SLC46A2: variants seen among roughly 807,000 people sequenced by gnomAD.
SLC46A2 encodes the protein solute carrier family 46 member 2.
A neutral mutation model predicts 33.1 loss-of-function variants in SLC46A2; 25 were observed. That is an observed-to-expected ratio of 0.76 (90% CI 0.55 to 1.06). The LOEUF (loss-of-function observed/expected upper bound fraction) is 1.06. Among genes scored for constraint, SLC46A2 ranks in the 50% least tolerant of loss-of-function variants. The probability of loss-of-function intolerance (pLI) is 0.00; values close to 1 mark genes in which losing one functional copy is unlikely to be tolerated. For synonymous variants in SLC46A2, 254 were observed against 275.9 expected (o/e 0.92, Z 0.79); for missense variants, 622 against 621.7 (o/e 1.00, Z 0.00).
intron 3 of SLC46A2, 70 bp downstream of exon 3, chr9:112,886,390 G>T: frequency 6.6e-7 from 1 of 1,517,844 alleles, no homozygotes; most frequent in Non-Finnish European, 9.1e-7. Context: ...GTGGGCTGGA[G>T]AAGGTCCAAC....
intron 3 of SLC46A2, chr9:112,881,357 C>T (rs1841575161): frequency 6.6e-6 from 1 of 152,240 alleles, no homozygotes; most frequent in Non-Finnish European, 1.5e-5. Flanking sequence ...GCTTAGATTT[C>T]CCGCCTTCTA....
At chr9:112,881,970 G>A (rs1841582801) in intron 3 of SLC46A2, among the ~76,000 whole-genome samples, 1 of 152,202 alleles carries the variant, frequency 6.6e-6, no homozygotes, top group African/African-American at 2.4e-5. Context: ...GAAGGGAGAA[G>A]AGTGGGAGGG....
chr9:112,884,922 A>T (rs1207452156), intron 3 of SLC46A2, among the ~76,000 whole-genome samples: 1 of 152,124 alleles, frequency 6.6e-6, no homozygotes, highest in African/African-American at 2.4e-5. Flanking sequence ...TCCTTTACTC[A>T]TTTGGCCAGA....
At position 112,890,473 on chromosome 9, in the gene SLC46A2, T is replaced by A. The variant is rs139723821; in HGVS notation, c.209A>T (p.Gln70Leu). The A allele has an allele frequency of 2.5e-6, 4 of 1,614,224 alleles. No individual in the cohort carries two copies. The highest frequency in any genetic ancestry group is 1.7e-5 in the Admixed American group (1 of 60,032). Residue 70 changes from glutamine (Q) to leucine (L), a missense_variant, in exon 1 of 4, where the codon CAG (glutamine) becomes CTG (leucine). Transcript: ENST00000374228. The surrounding 1 kb of genome is among the most constrained non-coding windows in gnomAD (Gnocchi z 6.0). ...PSPRGALEDQQQRAISNFYII... is the reference protein window; with the variant it reads ...PSPRGALEDQLQRAISNFYII... ...GTAGAAATTGGAGATGGCTCTCTGC[T>A]GTTGGTCCTCTAGAGCCCCCCGGGG...
chr9:112,890,251 C>G lies in SLC46A2; in HGVS notation c.431G>C (p.Gly144Ala). The G allele has an allele frequency of 6.2e-7, 1 of 1,613,270 alleles. No homozygotes were observed. Among genetic ancestry groups the G allele is most frequent in the Non-Finnish European group, 8.5e-7 (1 of 1,179,880 alleles). ...EVLYGAAALN[G>A]LFGGFSAFWS... The stretch of plus-strand genomic sequence containing the variant: ...GAAGGCGGAGAAGCCGCCGAATAGC[C>G]CGTTCAGCGCCGCCGCCCCGTACAG... Residue 144 changes from glycine (G) to alanine (A), a missense_variant, in exon 1 of 4, where the codon GGG becomes GCG. By Grantham distance (60) the Gly-to-Ala change is moderately conservative. Coordinates refer to ENST00000374228, the MANE Select transcript of SLC46A2 (RefSeq NM_033051.4). The surrounding 1 kb of genome is among the most constrained non-coding windows in gnomAD (Gnocchi z 6.0).
chr9:112,881,168 A>C lies in SLC46A2; in HGVS notation c.1371-1349T>G, dbSNP rs145066364. On this transcript the variant is annotated intron_variant, in intron 3 of 3. Transcript: ENST00000374228. ...CTGAAGTCCTGGATCAGTGTGACTT[A>C]GGCATGTCCTTCAACCTCTGGCACC... Among the ~76,000 whole-genome samples, 7 of 152,318 alleles carry C rather than the reference A, an allele frequency of 4.6e-5. No homozygotes were observed. The East Asian group carries it at 1.4e-3, about 29-fold the overall frequency.
At chr9:112,886,803 C>A (rs1162573865) in intron 2 of SLC46A2, among the ~76,000 whole-genome samples, 187 bp from the exon 3 acceptor site, 1 of 152,172 alleles carries the variant, frequency 6.6e-6, no homozygotes, top group African/African-American at 2.4e-5. Context: ...TGGCTCACTG[C>A]AGCCTTAAAC....
At chr9:112,887,249 T>C (rs2131546236) in intron 2 of SLC46A2, 81 bp downstream of exon 2, 1 of 1,302,564 alleles carries the variant, frequency 7.7e-7, no homozygotes, top group East Asian at 2.3e-5. Context: ...TCAAGTGCCT[T>C]CTGCAGGTCT....
At position 112,887,338 on chromosome 9, in the gene SLC46A2, G is replaced by C. The variant is rs749047937; in HGVS notation, c.1205C>G (p.Ser402Cys). 5.6e-6 allele frequency: 9 copies of C among 1,611,808 alleles called. No individual in the cohort carries two copies. The highest frequency in any genetic ancestry group is 7.6e-6 in the Non-Finnish European group (9 of 1,179,166). Reference protein sequence around the residue: ...RSAMSKLIKGSSYGKVFVILQ... With the variant: ...RSAMSKLIKGCSYGKVFVILQ... Reference sequence around the variant, plus strand: ...TTCTGTTCACTACTCACCATAAGAGGAGCCCTTTATGAGTTTGGACATAGC... The same window carrying C: ...TTCTGTTCACTACTCACCATAAGAGCAGCCCTTTATGAGTTTGGACATAGC... The change falls in exon 2 of 4, where the codon TCC becomes TGC. Residue 402 changes from serine (S) to cysteine (C), a missense_variant. By Grantham distance (112) the Ser-to-Cys change is moderately radical. Coordinates refer to ENST00000374228, the MANE Select transcript of SLC46A2 (RefSeq NM_033051.4).
chr9:112,881,192 C>A (rs1465194994), intron 3 of SLC46A2, among the ~76,000 whole-genome samples: 2 of 152,198 alleles, frequency 1.3e-5, no homozygotes, highest in African/African-American at 4.8e-5. Context: ...ACCTCTGGCA[C>A]CCTGGGCTTT....
At position 112,879,797 on chromosome 9, in the gene SLC46A2, G is replaced by C; in HGVS notation, c.1393C>G (p.Pro465Ala). Residue 465 changes from proline to alanine, a missense_variant, in exon 4 of 4, where the codon CCA becomes GCA. By Grantham distance (27) the Pro-to-Ala change is conservative (BLOSUM62 -1). Coordinates refer to ENST00000374228, the MANE Select transcript of SLC46A2 (RefSeq NM_033051.4). ...ATGATGTCTCCATATGGTGACAATGGGACTTGTTTATAGGCCACGATGCTG... is the reference window on the plus strand; with the variant it reads ...ATGATGTCTCCATATGGTGACAATGCGACTTGTTTATAGGCCACGATGCTG... Reference protein sequence around the residue: ...PISIVAYKQVPLSPYGDIIEK With the variant: ...PISIVAYKQVALSPYGDIIEK The C allele has an allele frequency of 6.2e-7, 1 of 1,613,076 alleles. No homozygotes were observed. Among genetic ancestry groups the C allele is most frequent in the African/African-American group, 1.3e-5 (1 of 74,992 alleles).
chr9:112,888,968 A>G (rs1397422528), intron 1 of SLC46A2, among the ~76,000 whole-genome samples: 1 of 150,704 alleles, frequency 6.6e-6, no homozygotes, highest in Non-Finnish European at 1.5e-5. Context: ...TCGGCTCACT[A>G]CAACCGCTGC....
chr9:112,879,616 G>T lies in SLC46A2; in HGVS notation c.*146C>A. On this transcript the variant is annotated 3_prime_UTR_variant, in exon 4 of 4. Transcript: ENST00000374228. ...CCATCCACCAGGGATCCCTGAGCCA[G>T]AGCAGGTCATTCTGAGGCCAACTCT... 1.5e-6 allele frequency: 1 copy of T among 674,298 alleles called. No homozygotes were observed. Among genetic ancestry groups the T allele is most frequent in the Non-Finnish European group, 2.6e-6 (1 of 388,900 alleles). The allele number at this position is 674,298 out of a possible 1,614,324, so 41.8% of individuals were successfully genotyped here. A position where few individuals can be genotyped will look rare whatever the true frequency, so the allele number is the denominator to read the frequency against.
chr9:112,881,949 T>C (rs1006386397), intron 3 of SLC46A2, among the ~76,000 whole-genome samples: 2 of 151,870 alleles, frequency 1.3e-5, no homozygotes, highest in African/African-American at 4.8e-5. Context: ...TGGGAAAAAG[T>C]TGTGGATGGA....
chr9:112,890,746 C>T lies in SLC46A2; in HGVS notation c.-65G>A, dbSNP rs13283782. 167,332 of 1,503,270 alleles carry T rather than the reference C, an allele frequency of 0.11. 10,758 individuals carry two copies. The highest frequency in any genetic ancestry group is 0.13 in the Non-Finnish European group (149,559 of 1,128,228). 93.1% of individuals were successfully genotyped at this position (1,503,270 alleles called of 1,614,324 possible). On this transcript the variant is annotated 5_prime_UTR_variant, in exon 1 of 4. Transcript: ENST00000374228. The surrounding 1 kb of genome is among the most constrained non-coding windows in gnomAD (Gnocchi z 6.0). ...AGTGACAAGGATATGCTCCCAAATTCGGCTGCTACGGCTGCTCAGGTTTCA... is the reference window on the plus strand; with the variant it reads ...AGTGACAAGGATATGCTCCCAAATTTGGCTGCTACGGCTGCTCAGGTTTCA...
intron 3 of SLC46A2, among the ~76,000 whole-genome samples, chr9:112,883,068 C>T (rs1000474313): frequency 6.6e-6 from 1 of 152,154 alleles, no homozygotes; most frequent in African/African-American, 2.4e-5. Context: ...GGCAGCAGGT[C>T]AACGGATGCA....
chr9:112,887,757 T>A (rs1841662080), intron 1 of SLC46A2, among the ~76,000 whole-genome samples: 1 of 152,182 alleles, frequency 6.6e-6, no homozygotes, highest in South Asian at 2.1e-4. Flanking sequence ...TCTTTGTTTC[T>A]CCAGGAGAGA....
chr9:112,889,440 C>A, intron 1 of SLC46A2, 113 bp downstream of exon 1: 1 of 1,100,090 alleles, frequency 9.1e-7, no homozygotes, highest in Non-Finnish European at 1.3e-6. Context: ...TCCTAGGTAG[C>A]AGGTTCAATC....
chr9:112,882,706 C>T (rs1306332077), intron 3 of SLC46A2, among the ~76,000 whole-genome samples: 1 of 152,014 alleles, frequency 6.6e-6, no homozygotes, highest in African/African-American at 2.4e-5. Context: ...AGATGAAGGA[C>T]AGGTTTCTAC....
Sources: gnomAD v4.1 joint callset for allele counts (sites outside exome capture counted in the v4.1 genomes callset) on GRCh38, gnomAD v4.1.1 for gene constraint, Gnocchi (gnomAD v3.1) non-coding constraint, MANE v1.5 for transcripts, NCBI Gene and HGNC (gene_info 2026-07-23, HGNC 2026-07-21) for gene names.